The following RDX variants were observed in gnomAD, a reference collection of about 807,000 sequenced individuals.
RDX encodes deafness, autosomal recessive 24.
In RDX, 32 loss-of-function variants were observed where a neutral mutation model predicts 83.7. That is an observed-to-expected ratio of 0.38 (90% CI 0.29 to 0.51). The LOEUF (loss-of-function observed/expected upper bound fraction) is 0.51, where lower values mean the gene tolerates loss of function less well. Ranked by LOEUF, RDX falls within the 20% of genes least tolerant of loss-of-function variation. The pLI, the probability that RDX is intolerant of heterozygous loss-of-function variation, is 0.87. For synonymous variants in RDX, 229 were observed against 222.7 expected, an observed-to-expected ratio of 1.03 and a Z score of -0.25; for missense variants, 600 against 689.9, an observed-to-expected ratio of 0.87 and a Z score of 1.46.
intron 15 of RDX, among the ~76,000 whole-genome samples, chr11:110,179,303 G>A (rs956593361): frequency 1.3e-5 from 2 of 152,316 alleles, no homozygotes; most frequent in Middle Eastern, 3.4e-3. Context: ...GGCAAAAAGT[G>A]ACAATGAACA....
At chr11:110,296,441 G>C (rs1190862204) in intron 1 of RDX, 26 bp downstream of exon 1, 1 of 151,484 alleles carries the variant, frequency 6.6e-6, no homozygotes, top group African/African-American at 2.4e-5. Context: ...GCGGGGAGTG[G>C]GGGAAGGGAG....
intron 14 of RDX, among the ~76,000 whole-genome samples, chr11:110,200,966 G>A (rs58936271): frequency 1.3e-5 from 2 of 151,928 alleles, no homozygotes; most frequent in Non-Finnish European, 2.9e-5. Flanking sequence ...ACCTGAGGTC[G>A]GGAGTTCGAA....
chr11:110,215,365 A>T (rs529100251), intron 14 of RDX, among the ~76,000 whole-genome samples: 11 of 141,776 alleles, frequency 7.8e-5, no homozygotes, highest in African/African-American at 2.4e-4. Flanking sequence ...TCCATCTCAA[A>T]AAATAAATAA....
intron 3 of RDX, among the ~76,000 whole-genome samples, chr11:110,269,468 G>C (rs1446853804): frequency 1.3e-5 from 2 of 152,122 alleles, no homozygotes; most frequent in East Asian, 3.8e-4. Flanking sequence ...AGCTGGCCTC[G>C]ATTTAACATC....
intron 1 of RDX, among the ~76,000 whole-genome samples, chr11:110,291,405 G>A (rs144926817): frequency 2.6e-5 from 4 of 152,294 alleles, no homozygotes; most frequent in African/African-American, 7.2e-5. Flanking sequence ...TATCTATTGG[G>A]AACAGAGTTG....
At chr11:110,285,430 C>G (rs1860942827) in intron 1 of RDX, among the ~76,000 whole-genome samples, 1 of 150,726 alleles carries the variant, frequency 6.6e-6, no homozygotes, top group African/African-American at 2.4e-5. Context: ...TGAGACATTT[C>G]TGGCTAGGTA....
intron 15 of RDX, among the ~76,000 whole-genome samples, chr11:110,179,091 G>A (rs1372989802): frequency 1.3e-5 from 2 of 152,102 alleles, no homozygotes; most frequent in Admixed American, 1.3e-4. Context: ...AGACCAGAGG[G>A]GTTCAGCCAG....
chr11:110,219,329 G>C (rs923288989), intron 14 of RDX, among the ~76,000 whole-genome samples: 3 of 152,104 alleles, frequency 2.0e-5, no homozygotes, highest in Non-Finnish European at 2.9e-5. Flanking sequence ...CAAGAGCTTC[G>C]GCAGGGACCA....
At chr11:110,226,889 C>A (rs1484494589), downstream of RDX, among the ~76,000 whole-genome samples, 1 of 152,112 alleles carries the variant, frequency 6.6e-6, no homozygotes, top group Non-Finnish European at 1.5e-5. Context: ...GAAACGTATA[C>A]TGAGTATTCA....
Position 110,294,078 on chromosome 11 carries a change from C to T in RDX, c.-65+2389G>A, listed in dbSNP as rs561451799. 4.7e-4 allele frequency among the ~76,000 whole-genome samples: 72 copies of T among 152,262 alleles called. 1 individual carries two copies. In the South Asian group the frequency reaches 0.013, roughly 29 times the overall value. The stretch of plus-strand genomic sequence containing the variant: ...AAAGACTTTCACTTCAACAGCCTGC[C>T]AAAGATAAAAAATGAATAATAAAAT... On this transcript the variant is annotated intron_variant, in intron 1 of 13. Coordinates refer to ENST00000645495, the MANE Select transcript of RDX (RefSeq NM_002906.4).
At chr11:110,197,126 C>T (rs1863233816) in intron 15 of RDX, among the ~76,000 whole-genome samples, 1 of 152,158 alleles carries the variant, frequency 6.6e-6, no homozygotes, top group African/African-American at 2.4e-5. Flanking sequence ...TCTCAAACTC[C>T]TGAGTTCATT....
intron 12 of RDX, among the ~76,000 whole-genome samples, chr11:110,234,534 G>A (rs1165190725): frequency 6.6e-6 from 1 of 152,136 alleles, no homozygotes; most frequent in African/African-American, 2.4e-5. Flanking sequence ...ATGTACTAAG[G>A]TTTTGCAGTA....
At chr11:110,188,744 C>CTCT (rs1356227723) in intron 15 of RDX, among the ~76,000 whole-genome samples, 3 of 152,122 alleles carry the variant, frequency 2.0e-5, no homozygotes, top group Non-Finnish European at 4.4e-5. Flanking sequence ...TATATCCTAC[C>CTCT]ACACTAAGCT....
At position 110,208,897 on chromosome 11, in the gene RDX, A is replaced by G. The variant is rs867904364; in HGVS notation, c.1749-9219T>C. 6.6e-5 allele frequency among the ~76,000 whole-genome samples: 10 copies of G among 152,370 alleles called. No homozygotes were observed. In the Middle Eastern group the frequency reaches 0.01, roughly 155 times the overall value. On this transcript the variant is annotated intron_variant, in intron 14 of 15. Transcript: ENST00000528498. The stretch of plus-strand genomic sequence containing the variant: ...TTTGAACCCAGGAGGCAGAGGTTGC[A>G]TTGAGCAGAGATCACGTCATTACAC...
intron 14 of RDX, among the ~76,000 whole-genome samples, chr11:110,219,972 G>A (rs1033013979): frequency 6.6e-6 from 1 of 152,100 alleles, no homozygotes; most frequent in Non-Finnish European, 1.5e-5. Flanking sequence ...ATAATATGAA[G>A]GGGTTGAGGA....
At chr11:110,276,833 A>G (rs192754924) in intron 2 of RDX, among the ~76,000 whole-genome samples, 107 of 152,296 alleles carry the variant, frequency 7.0e-4, no homozygotes, top group African/African-American at 2.6e-3. Flanking sequence ...AGATGAGTTA[A>G]TTTTGAGGAA....
chr11:110,294,727 A>C (rs971668621), intron 1 of RDX, among the ~76,000 whole-genome samples: 2 of 152,134 alleles, frequency 1.3e-5, no homozygotes, highest in Non-Finnish European at 2.9e-5. Flanking sequence ...TTTCAAAAAA[A>C]AAAACAAAAG....
chr11:110,183,981 G>T (rs1319943486), intron 15 of RDX, among the ~76,000 whole-genome samples: 2 of 152,182 alleles, frequency 1.3e-5, no homozygotes, highest in Non-Finnish European at 2.9e-5. Flanking sequence ...AGCATCCCAG[G>T]CCTATCCCTG....
intron 14 of RDX, among the ~76,000 whole-genome samples, chr11:110,220,942 C>A (rs1315632140): frequency 6.7e-6 from 1 of 150,320 alleles, no homozygotes; most frequent in Admixed American, 6.6e-5. Flanking sequence ...GATCCCTATA[C>A]CCCTAATTTG....
Sources: allele counts gnomAD v4.1 joint callset (sites outside exome capture counted in the v4.1 genomes callset), GRCh38; gene constraint gnomAD v4.1.1; transcripts MANE v1.5; gene names NCBI Gene and HGNC (gene_info 2026-07-23, HGNC 2026-07-21).